Variants in WDR74 observed in about 807,000 individuals in gnomAD.
WDR74 encodes the protein WD repeat domain 74, also known as WD repeat-containing protein 74.
A neutral mutation model predicts 45.6 loss-of-function variants in WDR74; 31 were observed. That is an observed-to-expected ratio of 0.68 (90% CI 0.51 to 0.92). The LOEUF is 0.92. Ranked by LOEUF, WDR74 falls within the 40% of genes least tolerant of loss-of-function variation. WDR74 has a pLI of 0.00. For missense variants in WDR74, 455 were observed against 497.2 expected, an observed-to-expected ratio of 0.92 and a Z score of 0.81; for synonymous variants, 191 against 192.4, an observed-to-expected ratio of 0.99 and a Z score of 0.06.
chr11:62,835,565 T>TG (rs1565221672), intron 5 of WDR74, 33 bp from the exon 6 acceptor site: 2 of 1,613,172 alleles, frequency 1.2e-6, no homozygotes, highest in African/African-American at 1.3e-5. Flanking sequence ...GACAGGGCTA[T>TG]GGGGGGCTCG....
chr11:62,839,513 A>G lies in WDR74; in HGVS notation c.58T>C (p.Leu20=), dbSNP rs2085014646. Residue 20 remains leucine (L), a synonymous_variant, in exon 1 of 11, where the codon TTG becomes CTG. Transcript: ENST00000278856. ...HVWVGTETGI[L]KGVNLQRKQA... ...GCCCGAGCCTGCCACCCACCTTTCA[A>G]GATCCCAGTCTCGGTGCCGACCCAC... is the stretch of plus-strand genomic sequence containing the variant. The G allele has an allele frequency of 6.2e-7, 1 of 1,613,602 alleles. No individual in the cohort carries two copies. Among genetic ancestry groups the G allele is most frequent in the Non-Finnish European group, 8.5e-7 (1 of 1,179,862 alleles).
Position 62,838,006 on chromosome 11 carries a change from G to A in WDR74, c.293+1108C>T, listed in dbSNP as rs1418000577. 2.0e-5 allele frequency among the ~76,000 whole-genome samples: 3 copies of A among 152,144 alleles called. No homozygotes were observed. In the East Asian group the frequency reaches 5.8e-4, roughly 29 times the overall value. The stretch of plus-strand genomic sequence containing the variant: ...TGGTCCCAGGTACTCAGGAGGTTGA[G>A]GCGGGAGGATCGTTTGACCCCGGGA... On this transcript the variant is annotated intron_variant, in intron 3 of 10. Coordinates refer to ENST00000278856, the MANE Select transcript of WDR74 (RefSeq NM_001369450.1).
upstream of WDR74, chr11:62,840,304 C>G (rs552594836): frequency 6.6e-6 from 1 of 152,134 alleles, no homozygotes; most frequent in African/African-American, 2.4e-5. Context: ...ACGGTGAATC[C>G]CCGTCTCTAC....
chr11:62,840,939 C>G (rs1036330774), upstream of WDR74, among the ~76,000 whole-genome samples: 6 of 152,196 alleles, frequency 3.9e-5, no homozygotes, highest in Admixed American at 2.0e-4. Context: ...AATCCCACCA[C>G]TTTGGGAGGC....
chr11:62,835,285 T>C, intron 6 of WDR74, 146 bp downstream of exon 6: 1 of 685,444 alleles, frequency 1.5e-6, no homozygotes, highest in Non-Finnish European at 2.5e-6. Flanking sequence ...GGTCATGGGC[T>C]CAGGGACAGG....
upstream of WDR74, chr11:62,839,624 A>G (rs1187740998): frequency 6.4e-7 from 1 of 1,553,892 alleles, no homozygotes; most frequent in Non-Finnish European, 8.7e-7. Context: ...GTGCGTCACC[A>G]GCGGGCGTCG....
chr11:62,833,183 C>G, intron 10 of WDR74, 52 bp from the exon 11 acceptor site: 1 of 1,578,440 alleles, frequency 6.3e-7, no homozygotes, highest in Non-Finnish European at 8.6e-7. Context: ...CACGGTGGCT[C>G]CCACCTGTAA....
chr11:62,841,609 C>T (rs148878432), upstream of WDR74: 49 of 151,374 alleles, frequency 3.2e-4, no homozygotes, highest in Middle Eastern at 3.5e-3. Context: ...CGGTTGTTCT[C>T]TCCCCGAAGG....
chr11:62,841,749 G>C (rs962570277), upstream of WDR74: 11 of 152,188 alleles, frequency 7.2e-5, no homozygotes, highest in East Asian at 1.9e-4. Flanking sequence ...GGACGTATCA[G>C]ATATTAAACT....
rs2084956461 is a variant in WDR74, at chr11:62,836,103, T to C, written c.294-67A>G. 58 of 1,437,414 alleles carry C rather than the reference T, an allele frequency of 4.0e-5. No homozygotes were observed. The South Asian group carries it at 7.0e-4, about 17-fold the overall frequency. 89.0% of individuals were successfully genotyped at this position (1,437,414 alleles called of 1,614,324 possible). ...ACTCCTTGTTCTAATCTTTCTCTCC[T>C]CCTTACTACTACAGTTGACTAATGT... is the stretch of plus-strand genomic sequence containing the variant. On this transcript the variant is annotated intron_variant, in intron 3 of 10. Coordinates refer to ENST00000278856, the MANE Select transcript of WDR74 (RefSeq NM_001369450.1).
At chr11:62,841,043 G>C (rs2085037141), upstream of WDR74, among the ~76,000 whole-genome samples, 1 of 152,228 alleles carries the variant, frequency 6.6e-6, no homozygotes, top group Non-Finnish European at 1.5e-5. Context: ...AACAGGCCGG[G>C]CGCGGTGGCT....
chr11:62,840,062 C>G (rs2085024934), upstream of WDR74: 1 of 154,178 alleles, frequency 6.5e-6, no homozygotes. Context: ...AGTGCAATGG[C>G]GCGATCTCCT....
upstream of WDR74, chr11:62,840,005 A>ATT: frequency 6.4e-6 from 1 of 155,552 alleles, no homozygotes; most frequent in Non-Finnish European, 1.4e-5. Flanking sequence ...GAAACCGACG[A>ATT]TTTTTTTTTT....
intron 2 of WDR74, 33 bp from the exon 3 acceptor site, chr11:62,839,268 G>A (rs756271271): frequency 1.2e-6 from 2 of 1,612,406 alleles, no homozygotes; most frequent in Non-Finnish European, 8.5e-7. Context: ...GGCGAGGAGA[G>A]CGAGGCTGCT....
chr11:62,834,218 G>C (rs1187759384), intron 8 of WDR74, 58 bp downstream of exon 8: 1 of 1,611,202 alleles, frequency 6.2e-7, no homozygotes, highest in African/African-American at 1.3e-5. Context: ...ACCTTAGAGG[G>C]AATCCTGACC....
At chr11:62,835,281 G>A in intron 6 of WDR74, 150 bp downstream of exon 6, 1 of 665,550 alleles carries the variant, frequency 1.5e-6, no homozygotes, top group Non-Finnish European at 2.6e-6. Flanking sequence ...GGAAGGTCAT[G>A]GGCTCAGGGA....
upstream of WDR74, among the ~76,000 whole-genome samples, chr11:62,841,160 TA>T (rs2085039152): frequency 2.0e-5 from 3 of 151,870 alleles, no homozygotes; most frequent in Non-Finnish European, 2.9e-5. Context: ...CTATTAAAAG[TA>T]TAAAAATTCG....
intron 8 of WDR74, 134 bp from the exon 9 acceptor site, chr11:62,834,071 T>G: frequency 1.7e-5 from 25 of 1,449,088 alleles, no homozygotes; most frequent in Non-Finnish European, 2.3e-5. Context: ...CTACTAATAT[T>G]TCCATTTCGC....
chr11:62,833,320 A>G (rs76788602), intron 10 of WDR74, among the ~76,000 whole-genome samples, 189 bp from the exon 11 acceptor site: 40 of 150,954 alleles, frequency 2.6e-4, no homozygotes, highest in African/African-American at 7.8e-4. Context: ...AAAAAAAAAA[A>G]AAAGAAAAGT....
Sources: gnomAD v4.1 joint callset for allele counts (sites outside exome capture counted in the v4.1 genomes callset) on GRCh38, gnomAD v4.1.1 for gene constraint, MANE v1.5 for transcripts, NCBI Gene and HGNC (gene_info 2026-07-23, HGNC 2026-07-21) for gene names.